Variants in DIAPH1 observed in about 807,000 individuals in gnomAD.
DIAPH1 encodes the protein protein diaphanous homolog 1.
A neutral mutation model predicts 140.7 loss-of-function variants in DIAPH1; 46 were observed. The observed-to-expected ratio is 0.33, with a 90% confidence interval of 0.26 to 0.42. The LOEUF (loss-of-function observed/expected upper bound fraction) is 0.42, where lower values mean the gene tolerates loss of function less well. Among genes scored for constraint, DIAPH1 ranks in the 10% least tolerant of loss-of-function variants. The probability of loss-of-function intolerance (pLI) is 1.00; values close to 1 mark genes in which losing one functional copy is unlikely to be tolerated. For synonymous variants in DIAPH1, 565 were observed against 551.6 expected (o/e 1.02, Z -0.34); for missense variants, 1,310 against 1,558.7 (o/e 0.84, Z 2.69).
chr5:141,617,238 A>G (rs1195302996), intron 1 of DIAPH1, among the ~76,000 whole-genome samples: 1 of 150,672 alleles, frequency 6.6e-6, no homozygotes, highest in African/African-American at 2.4e-5. Flanking sequence ...AAACATACAA[A>G]AATGCTGCTT....
At chr5:141,571,840 CAGGGA>C in intron 17 of DIAPH1, 81 bp downstream of exon 17, 3 of 949,008 alleles carry the variant, frequency 3.2e-6, no homozygotes, top group Non-Finnish European at 5.2e-6. Flanking sequence ...TATCTTCACC[CAGGGA>C]AGGGAAGGGA....
At chr5:141,560,573 CTGACA>C (rs1189455983) in intron 18 of DIAPH1, 1 of 164,708 alleles carries the variant, frequency 6.1e-6, no homozygotes. Context: ...TGTCACAAAT[CTGACA>C]TTAAATAGGT....
intron 1 of DIAPH1, among the ~76,000 whole-genome samples, chr5:141,591,707 T>G (rs1156949433): frequency 3.7e-5 from 3 of 80,000 alleles, no homozygotes; most frequent in South Asian, 3.8e-4. Context: ...TATATATATA[T>G]ATATATATAT....
intron 1 of DIAPH1, chr5:141,618,515 G>A (rs371252913): frequency 4.7e-5 from 16 of 339,850 alleles, no homozygotes; most frequent in African/African-American, 3.3e-4. Flanking sequence ...GAGAGACGGG[G>A]CTGAGAGCCG....
At chr5:141,541,106 A>C (rs1003727962) in intron 18 of DIAPH1, among the ~76,000 whole-genome samples, 4 of 152,212 alleles carry the variant, frequency 2.6e-5, no homozygotes, top group African/African-American at 7.2e-5. Context: ...TTAAAAATGA[A>C]AGAGTCCTGC....
intron 18 of DIAPH1, chr5:141,535,915 T>C: frequency 2.5e-6 from 1 of 401,024 alleles, no homozygotes; most frequent in Non-Finnish European, 5.2e-6. Context: ...ACCATTTGAA[T>C]TTTAAACCAC....
chr5:141,576,275 T>C lies in DIAPH1; in HGVS notation c.1416A>G (p.Thr472=), dbSNP rs2099895952. The change falls in exon 14 of 28, where the codon ACA becomes ACG. Residue 472 remains threonine, a synonymous_variant. Coordinates refer to ENST00000389054, the MANE Select transcript of DIAPH1 (RefSeq NM_005219.5). ...EGLIDQMIDK[T]KVEKSEAKAA... is the part of the protein sequence containing the mutation. ...CTTTGGCTTCAGATTTCTCCACCTT[T>C]GTCTTATCAATCATTTGATCTGAAA... 4.3e-6 allele frequency: 7 copies of C among 1,614,028 alleles called. No homozygotes were observed. Among genetic ancestry groups the C allele is most frequent in the Non-Finnish European group, 5.9e-6 (7 of 1,179,858 alleles).
In DIAPH1 at chr5:141,574,102, G is replaced by A; in HGVS notation, c.1748C>T (p.Pro583Leu). ...GTCACCAGGTAAAGGAGGGGCAGGG[G>A]GAACAGGAGCACGACTAGGAACAGA... ...PPSVPSRAPV[P>L]PAPPLPGDSG... Residue 583 changes from proline to leucine, a missense_variant, in exon 16 of 28, where the codon CCC becomes CTC. By Grantham distance (98) the Pro-to-Leu change is moderately conservative. Transcript: ENST00000389054. 3 of 1,613,926 alleles carry A rather than the reference G, an allele frequency of 1.9e-6. No homozygotes were observed. Among genetic ancestry groups the A allele is most frequent in the Non-Finnish European group, 2.5e-6 (3 of 1,179,942 alleles).
intron 1 of DIAPH1, among the ~76,000 whole-genome samples, chr5:141,604,553 C>G (rs1333206165): frequency 1.3e-5 from 2 of 152,192 alleles, no homozygotes; most frequent in Non-Finnish European, 2.9e-5. Flanking sequence ...TACTCTTCCT[C>G]AAGGGTGGGC....
At position 141,618,890 on chromosome 5, in the gene DIAPH1, C is replaced by T; in HGVS notation, c.25G>A (p.Gly9Arg). The change falls in exon 1 of 28, where the codon GGG (glycine) becomes AGG (arginine). Residue 9 changes from glycine (G) to arginine (R), a missense_variant. Physicochemically the swap from Gly to Arg is moderately radical, Grantham distance 125. Around this residue, in one of 3 missense-constraint regions of DIAPH1, gnomAD observed 377 missense variants for 497.1 expected, o/e 0.76. Transcript: ENST00000389054. ...TTGTCCCGGGTCCCGCGGCCGGGCC[C>T]CAGGCTCCCGCCGGGCGGCTCCATG... The part of the protein sequence containing the change: MEPPGGSL[G>R]PGRGTRDKKK... The T allele has an allele frequency of 6.6e-7, 1 of 1,514,748 alleles. No individual in the cohort carries two copies. Among genetic ancestry groups the T allele is most frequent in the Non-Finnish European group, 8.8e-7 (1 of 1,131,152 alleles). The allele number at this position is 1,514,748 out of a possible 1,614,324, so 93.8% of individuals were successfully genotyped here.
chr5:141,604,858 A>G (rs937523403), intron 1 of DIAPH1, among the ~76,000 whole-genome samples: 3 of 152,218 alleles, frequency 2.0e-5, no homozygotes, highest in African/African-American at 7.2e-5. Flanking sequence ...CACATTCAGA[A>G]TAAGATTTTG....
At chr5:141,602,809 T>C (rs2099900365) in intron 1 of DIAPH1, among the ~76,000 whole-genome samples, 1 of 152,166 alleles carries the variant, frequency 6.6e-6, no homozygotes, top group African/African-American at 2.4e-5. Flanking sequence ...CAACTTTAAA[T>C]GCACAGAAGA....
At chr5:141,598,299 T>A (rs1244232431) in intron 1 of DIAPH1, among the ~76,000 whole-genome samples, 1 of 152,224 alleles carries the variant, frequency 6.6e-6, no homozygotes. Context: ...TATAGGAGTT[T>A]TTATGCAATA....
intron 1 of DIAPH1, among the ~76,000 whole-genome samples, chr5:141,593,945 G>C (rs531379907): frequency 6.6e-6 from 1 of 152,124 alleles, no homozygotes; most frequent in South Asian, 2.1e-4. Flanking sequence ...GATTACAGGC[G>C]CATGCCACCA....
intron 24 of DIAPH1, among the ~76,000 whole-genome samples, chr5:141,527,219 C>A (rs1301201954): frequency 6.6e-6 from 1 of 151,936 alleles, no homozygotes; most frequent in Non-Finnish European, 1.5e-5. Context: ...GCAGCCTGGG[C>A]AACAAAGTGA....
At chr5:141,595,850 G>A (rs1383370939) in intron 1 of DIAPH1, among the ~76,000 whole-genome samples, 4 of 152,114 alleles carry the variant, frequency 2.6e-5, no homozygotes. Flanking sequence ...TCTCAATTTT[G>A]CTGTGACCCT....
At chr5:141,550,999 A>G (rs758638711) in intron 18 of DIAPH1, among the ~76,000 whole-genome samples, 1 of 152,258 alleles carries the variant, frequency 6.6e-6, no homozygotes, top group Non-Finnish European at 1.5e-5. Context: ...ATAAAAGACA[A>G]ATGAATGCAG....
chr5:141,527,774 T>TA (rs1044108799), intron 23 of DIAPH1, 77 bp from the exon 24 acceptor site: 50 of 1,471,156 alleles, frequency 3.4e-5, no homozygotes, highest in Non-Finnish European at 4.4e-5. Flanking sequence ...TCAACACCCC[T>TA]TAGTTTCACC....
At chr5:141,614,442 G>A (rs2099902331) in intron 1 of DIAPH1, among the ~76,000 whole-genome samples, 1 of 151,908 alleles carries the variant, frequency 6.6e-6, no homozygotes, top group African/African-American at 2.4e-5. Context: ...TAAGACACAG[G>A]AAATAAAATT....
Sources: gnomAD v4.1 joint callset for allele counts (sites outside exome capture counted in the v4.1 genomes callset) on GRCh38, gnomAD v4.1.1 for gene constraint, gnomAD v4.1.1 regional missense constraint, MANE v1.5 for transcripts, NCBI Gene and HGNC (gene_info 2026-07-23, HGNC 2026-07-21) for gene names.